GAD2: variants seen among roughly 807,000 people sequenced by gnomAD.
The protein encoded by GAD2 is glutamate decarboxylase 2.
GAD2 carries 22 observed loss-of-function variants against 80.1 expected under a neutral mutation model. That is an observed-to-expected ratio of 0.27 (90% CI 0.20 to 0.39). The LOEUF is 0.39. GAD2 is among the 10% of genes least tolerant of loss of function. The pLI is 1.00. For missense variants in GAD2, 624 were observed against 738.4 expected, an observed-to-expected ratio of 0.85 and a Z score of 1.80; for synonymous variants, 274 against 256.9, an observed-to-expected ratio of 1.07 and a Z score of -0.64.
chr10:26,270,552 G>T, intron 9 of GAD2, 88 bp from the exon 10 acceptor site: 1 of 938,560 alleles, frequency 1.1e-6, no homozygotes, highest in South Asian at 1.3e-5. Flanking sequence ...GTGTCTGTTA[G>T]GGAGAGAATT....
chr10:26,293,173 T>C (rs1334206694), intron 15 of GAD2, among the ~76,000 whole-genome samples, 182 bp downstream of exon 15: 1 of 98,686 alleles, frequency 1.0e-5, no homozygotes, highest in Non-Finnish European at 2.0e-5. Context: ...ATTTTTCTTC[T>C]TTTTTTTTTT....
chr10:26,219,347 T>C (rs1418694127), intron 4 of GAD2, 71 bp downstream of exon 4: 4 of 1,046,948 alleles, frequency 3.8e-6, no homozygotes, highest in Non-Finnish European at 5.4e-6. Flanking sequence ...TTCTATAAAA[T>C]GTTTTGTTTG....
intron 8 of GAD2, among the ~76,000 whole-genome samples, chr10:26,250,521 G>A (rs1286360148): frequency 6.6e-6 from 1 of 151,924 alleles, no homozygotes; most frequent in African/African-American, 2.4e-5. Context: ...GGAGGGGTCG[G>A]GAGAGGCAGG....
At chr10:26,224,471 C>A (rs773760036) in intron 5 of GAD2, 68 bp from the exon 6 acceptor site, 19 of 907,350 alleles carry the variant, frequency 2.1e-5, no homozygotes, top group Non-Finnish European at 3.3e-5. Flanking sequence ...AGTTCTGTAG[C>A]TATTGTAATG....
At chr10:26,293,656 G>A (rs1834243539) in intron 15 of GAD2, among the ~76,000 whole-genome samples, 1 of 152,182 alleles carries the variant, frequency 6.6e-6, no homozygotes, top group African/African-American at 2.4e-5. Flanking sequence ...AGAGACTTTA[G>A]GTACCAGAAA....
intron 3 of GAD2, among the ~76,000 whole-genome samples, chr10:26,218,545 T>TCACACA (rs1243883778): frequency 3.9e-5 from 3 of 76,598 alleles, no homozygotes; most frequent in African/African-American, 1.1e-4. Context: ...GCTCTCTCTC[T>TCACACA]CTCTCTCACA....
Position 26,217,951 on chromosome 10 carries a change from C to A in GAD2, c.246C>A (p.Cys82Ter). 1 of 1,611,848 alleles carries A rather than the reference C, an allele frequency of 6.2e-7. No homozygotes were observed. The highest frequency in any genetic ancestry group is 8.5e-7 in the Non-Finnish European group (1 of 1,179,160). The part of the protein sequence containing the change: ...ACACDQKPCS[C>*]SKVDVNYAFL... ...CCTGCGACCAGAAGCCCTGCAGCTG[C>A]TCCAAAGTGGATGTCAACTACGCGT... Residue 82 changes from cysteine (C) to a stop codon, truncating the protein, a stop_gained, in exon 3 of 16, where the codon TGC (cysteine) becomes TGA (stop). Transcript: ENST00000376261. LOFTEE classifies it high-confidence loss of function. This position sits in a 1 kb window ranked among gnomAD's most constrained non-coding sequence, Gnocchi z 4.9.
intron 12 of GAD2, among the ~76,000 whole-genome samples, chr10:26,282,804 G>A (rs1845286200): frequency 6.6e-6 from 1 of 152,234 alleles, no homozygotes; most frequent in African/African-American, 2.4e-5. Context: ...TACACAGCAC[G>A]CCTTCTGTGT....
At chr10:26,271,296 A>G (rs1845134433) in intron 10 of GAD2, among the ~76,000 whole-genome samples, 1 of 152,230 alleles carries the variant, frequency 6.6e-6, no homozygotes, top group African/African-American at 2.4e-5. Flanking sequence ...AAGAAGATAG[A>G]TTATATTTGA....
chr10:26,221,772 G>A (rs1036467529), intron 4 of GAD2, among the ~76,000 whole-genome samples: 7 of 152,208 alleles, frequency 4.6e-5, no homozygotes, highest in South Asian at 4.1e-4. Flanking sequence ...TCTCAAGCTC[G>A]CCACCTTCCT....
At chr10:26,242,100 C>T (rs1456016305) in intron 7 of GAD2, among the ~76,000 whole-genome samples, 1 of 152,116 alleles carries the variant, frequency 6.6e-6, no homozygotes, top group Non-Finnish European at 1.5e-5. Context: ...ATTCTCCTGC[C>T]TCAGCCTCCG....
At chr10:26,282,380 T>TA (rs1358807135) in intron 12 of GAD2, among the ~76,000 whole-genome samples, 2 of 152,128 alleles carry the variant, frequency 1.3e-5, no homozygotes, top group Non-Finnish European at 2.9e-5. Context: ...AACTTAGGGA[T>TA]AACCATTATT....
intron 7 of GAD2, 76 bp downstream of exon 7, chr10:26,229,853 G>C (rs1346217070): frequency 1.0e-5 from 11 of 1,079,538 alleles, no homozygotes; most frequent in Non-Finnish European, 1.4e-5. Flanking sequence ...GGCTGGAAAT[G>C]CATTATCCCC....
At chr10:26,224,058 C>G in intron 5 of GAD2, 81 bp downstream of exon 5, 1 of 1,038,164 alleles carries the variant, frequency 9.6e-7, no homozygotes. Context: ...ATGTGAAAAT[C>G]TGTTTTTTAT....
intron 9 of GAD2, among the ~76,000 whole-genome samples, chr10:26,269,984 A>G (rs1399495628): frequency 6.6e-6 from 1 of 152,174 alleles, no homozygotes; most frequent in Non-Finnish European, 1.5e-5. Context: ...ATCACGTTCT[A>G]TAGACAGGAC....
intron 7 of GAD2, among the ~76,000 whole-genome samples, chr10:26,241,391 C>T (rs549469751): frequency 6.6e-6 from 1 of 152,278 alleles, no homozygotes; most frequent in South Asian, 2.1e-4. Flanking sequence ...AGTGAAGGAA[C>T]TCATGCCACA....
At chr10:26,237,773 T>C (rs140233422) in intron 7 of GAD2, among the ~76,000 whole-genome samples, 30,530 of 151,966 alleles carry the variant, frequency 0.2, 5,407 homozygotes, top group African/African-American at 0.49. Context: ...TTTGGGATGC[T>C]GAAGCAGGTG....
intron 15 of GAD2, among the ~76,000 whole-genome samples, chr10:26,296,896 T>C (rs1177518381): frequency 6.6e-6 from 1 of 150,658 alleles, no homozygotes; most frequent in African/African-American, 2.5e-5. Flanking sequence ...GAGGATTTAA[T>C]TGGTGAAATT....
intron 11 of GAD2, among the ~76,000 whole-genome samples, chr10:26,276,962 G>A (rs1845215794): frequency 6.6e-6 from 1 of 152,218 alleles, no homozygotes; most frequent in South Asian, 2.1e-4. Flanking sequence ...TATCTTCAAG[G>A]AGTTCAGAAT....
Sources: gnomAD v4.1 joint callset for allele counts (sites outside exome capture counted in the v4.1 genomes callset) on GRCh38, gnomAD v4.1.1 for gene constraint, Gnocchi (gnomAD v3.1) non-coding constraint, MANE v1.5 for transcripts, NCBI Gene and HGNC (gene_info 2026-07-23, HGNC 2026-07-21) for gene names.